Variants in L3MBTL4 observed in about 807,000 individuals in gnomAD.
L3MBTL4 encodes L3MBTL histone methyl-lysine binding protein 4, also known as lethal(3)malignant brain tumor-like protein 4.
In L3MBTL4, 70 loss-of-function variants were observed where a neutral mutation model predicts 84.5. The observed-to-expected ratio is 0.83, with a 90% CI of 0.68 to 1.01. L3MBTL4 has a LOEUF of 1.01. L3MBTL4 is among the 50% of genes least tolerant of loss of function. L3MBTL4 has a pLI of 0.00. For missense variants in L3MBTL4, 715 were observed against 754.8 expected (o/e 0.95, Z 0.62); for synonymous variants, 274 against 259.8 (o/e 1.05, Z -0.52).
intron 14 of L3MBTL4, among the ~76,000 whole-genome samples, chr18:6,101,682 G>A (rs939136113): frequency 2.0e-5 from 3 of 152,212 alleles, no homozygotes; most frequent in African/African-American, 2.4e-5. Flanking sequence ...AGTCTAAGAG[G>A]TGCTCTGAAT....
rs781588573 is a variant in L3MBTL4, at chr18:6,114,943, C to T, written c.1200-21415G>A. ...GGGAGACACAGAGGAGGTCACACAG[C>T]GGAGAGGAGAACACAGCGGAAGGGC... is the stretch of plus-strand genomic sequence containing the variant. On this transcript the variant is annotated intron_variant, in intron 14 of 18. Transcript: ENST00000317931. 5.3e-5 allele frequency among the ~76,000 whole-genome samples: 8 copies of T among 152,176 alleles called. No homozygotes were observed. The East Asian group carries it at 7.7e-4, about 15-fold the overall frequency.
At chr18:5,960,625 CAGG>C (rs1447333008) in intron 17 of L3MBTL4, 1 of 152,394 alleles carries the variant, frequency 6.6e-6, no homozygotes, top group Non-Finnish European at 1.5e-5. Context: ...TGGTGAATCA[CAGG>C]AGATCAGAGA....
chr18:6,123,582 T>C (rs984363589), intron 14 of L3MBTL4, among the ~76,000 whole-genome samples: 4 of 152,226 alleles, frequency 2.6e-5, no homozygotes, highest in Non-Finnish European at 4.4e-5. Context: ...TCCCCAGCCA[T>C]GTGAAACTGT....
chr18:6,021,441 A>G (rs1239545936), intron 16 of L3MBTL4, among the ~76,000 whole-genome samples: 2 of 152,240 alleles, frequency 1.3e-5, no homozygotes, highest in Admixed American at 1.3e-4. Context: ...ATGGAAAAAT[A>G]GACTGAAGGT....
intron 13 of L3MBTL4, among the ~76,000 whole-genome samples, chr18:6,169,508 G>T (rs2043856000): frequency 6.6e-6 from 1 of 152,010 alleles, no homozygotes; most frequent in Non-Finnish European, 1.5e-5. Context: ...CATATAAAAC[G>T]ATGAGTTCAT....
At chr18:6,349,214 T>A (rs925942286) in intron 1 of L3MBTL4, among the ~76,000 whole-genome samples, 8 of 152,194 alleles carry the variant, frequency 5.3e-5, no homozygotes, top group African/African-American at 1.9e-4. Flanking sequence ...TCAACAAATG[T>A]ATTCACCAAA....
At chr18:6,027,864 C>A (rs1169505357) in intron 16 of L3MBTL4, among the ~76,000 whole-genome samples, 4 of 152,058 alleles carry the variant, frequency 2.6e-5, no homozygotes, top group African/African-American at 9.7e-5. Context: ...ATATCCTTTG[C>A]CCACTTTTTG....
intron 16 of L3MBTL4, chr18:6,030,737 T>C: frequency 1.0e-6 from 1 of 975,934 alleles, no homozygotes; most frequent in Non-Finnish European, 1.2e-6. Flanking sequence ...CATTTCTCTC[T>C]ACTCCCTATT....
At chr18:6,348,599 G>A (rs185080170) in intron 1 of L3MBTL4, among the ~76,000 whole-genome samples, 19 of 152,092 alleles carry the variant, frequency 1.2e-4, no homozygotes, top group Admixed American at 5.9e-4. Flanking sequence ...CAGCAACAAA[G>A]CTTAGAGAAA....
At chr18:6,102,757 C>A (rs955979629) in intron 14 of L3MBTL4, among the ~76,000 whole-genome samples, 8 of 152,202 alleles carry the variant, frequency 5.3e-5, no homozygotes, top group Non-Finnish European at 1.0e-4. Context: ...TGAGCTTAAT[C>A]ATTTCATTAA....
chr18:6,335,154 G>A (rs367707781), intron 1 of L3MBTL4, among the ~76,000 whole-genome samples: 10 of 152,192 alleles, frequency 6.6e-5, no homozygotes, highest in African/African-American at 2.4e-4. Context: ...GCAGTGGCAC[G>A]ATATCAGCTC....
At chr18:6,179,463 T>G (rs2044369305) in intron 12 of L3MBTL4, among the ~76,000 whole-genome samples, 2 of 152,224 alleles carry the variant, frequency 1.3e-5, no homozygotes, top group African/African-American at 4.8e-5. Context: ...CTTCCTGTGA[T>G]GCCAGGCTCT....
At chr18:6,322,208 A>T (rs1249301267) in intron 1 of L3MBTL4, among the ~76,000 whole-genome samples, 7 of 151,738 alleles carry the variant, frequency 4.6e-5, no homozygotes, top group Admixed American at 4.6e-4. Flanking sequence ...TTAAAAAAAA[A>T]TTAGCCAGGC....
At chr18:6,185,960 C>CTTT (rs1555682201) in intron 12 of L3MBTL4, among the ~76,000 whole-genome samples, 1 of 145,874 alleles carries the variant, frequency 6.9e-6, no homozygotes, top group African/African-American at 2.7e-5. Flanking sequence ...AGGGCACTTT[C>CTTT]TTTATTTTAT....
At chr18:6,253,475 C>T (rs2048012646) in intron 5 of L3MBTL4, among the ~76,000 whole-genome samples, 1 of 152,194 alleles carries the variant, frequency 6.6e-6, no homozygotes, top group Non-Finnish European at 1.5e-5. Flanking sequence ...AGATTCAGTA[C>T]ATACTTAGGG....
chr18:6,169,222 C>A (rs556009294), intron 13 of L3MBTL4, among the ~76,000 whole-genome samples: 1 of 152,330 alleles, frequency 6.6e-6, no homozygotes, highest in African/African-American at 2.4e-5. Flanking sequence ...CACTTTTACA[C>A]TGTTGGTGGG....
intron 16 of L3MBTL4, among the ~76,000 whole-genome samples, chr18:6,070,589 G>C (rs893235253): frequency 2.6e-5 from 4 of 151,514 alleles, no homozygotes; most frequent in Non-Finnish European, 5.9e-5. Context: ...GGTCAAAGTG[G>C]GCAGATTGTT....
chr18:6,025,912 T>A (rs2055483174), intron 16 of L3MBTL4, among the ~76,000 whole-genome samples: 1 of 152,254 alleles, frequency 6.6e-6, no homozygotes, highest in African/African-American at 2.4e-5. Flanking sequence ...CTTGGGCCAG[T>A]ACCTGTCCAT....
At chr18:6,162,700 A>C (rs1024073334) in intron 13 of L3MBTL4, among the ~76,000 whole-genome samples, 1 of 152,228 alleles carries the variant, frequency 6.6e-6, no homozygotes, top group African/African-American at 2.4e-5. Flanking sequence ...AAAGGGTGGT[A>C]CATGTGACTC....
Sources: allele counts gnomAD v4.1 joint callset (sites outside exome capture counted in the v4.1 genomes callset), GRCh38; gene constraint gnomAD v4.1.1; transcripts MANE v1.5; gene names NCBI Gene and HGNC (gene_info 2026-07-23, HGNC 2026-07-21).